Variants in AHCYL2 observed in about 807,000 individuals in gnomAD.
AHCYL2 encodes S-adenosylhomocysteine hydrolase-like protein 2.
In AHCYL2, 28 loss-of-function variants were observed where a neutral mutation model predicts 81.4. The observed-to-expected ratio is 0.34, with a 90% CI of 0.25 to 0.47. The LOEUF (loss-of-function observed/expected upper bound fraction) is 0.47, where lower values mean the gene tolerates loss of function less well. Ranked by LOEUF, AHCYL2 falls within the 20% of genes least tolerant of loss-of-function variation. AHCYL2 has a pLI of 1.00. For synonymous variants in AHCYL2, 272 were observed against 290.2 expected, an observed-to-expected ratio of 0.94 and a Z score of 0.64; for missense variants, 551 against 785.1, an observed-to-expected ratio of 0.70 and a Z score of 3.56.
chr7:129,409,647 T>A, intron 11 of AHCYL2, 101 bp downstream of exon 11: 1 of 978,632 alleles, frequency 1.0e-6, no homozygotes, highest in Non-Finnish European at 1.5e-6. Context: ...CTCTAAAAGC[T>A]AGAGAGAGAT....
chr7:129,282,860 G>C (rs1176545446), intron 1 of AHCYL2, among the ~76,000 whole-genome samples: 1 of 151,938 alleles, frequency 6.6e-6, no homozygotes, highest in Admixed American at 6.6e-5. Flanking sequence ...AGAGAGAAGA[G>C]GGGGAGAAAA....
chr7:129,370,561 G>A (rs886747381), intron 1 of AHCYL2, among the ~76,000 whole-genome samples: 4 of 152,182 alleles, frequency 2.6e-5, no homozygotes, highest in Non-Finnish European at 4.4e-5. Flanking sequence ...AGCCGGGCGT[G>A]GTGGCGGGCG....
intron 1 of AHCYL2, among the ~76,000 whole-genome samples, chr7:129,228,365 A>G (rs148153281): frequency 9.1e-4 from 139 of 152,364 alleles, no homozygotes; most frequent in African/African-American, 3.2e-3. Flanking sequence ...AGTAGTTAAT[A>G]AGAAGGAACA....
In AHCYL2 at chr7:129,426,458, GC is replaced by G; in HGVS notation, c.1726del (p.Leu576TyrfsTer10). ...LPKKMDEYVA[S>X]LHLPTFDAHL... The stretch of plus-strand genomic sequence containing the variant: ...TCTGTTCCAGATGAGTATGTGGCCA[GC>G]CTACACCTGCCTACCTTTGATGCCC... On this transcript the variant is annotated frameshift_variant, in exon 16 of 17. Transcript: ENST00000325006. LOFTEE classifies it high-confidence loss of function. The surrounding 1 kb of genome is among the most constrained non-coding windows in gnomAD (Gnocchi z 4.3). 6.2e-7 allele frequency: 1 copy of G among 1,614,106 alleles called. No individual in the cohort carries two copies. The highest frequency in any genetic ancestry group is 8.5e-7 in the Non-Finnish European group (1 of 1,179,984).
intron 1 of AHCYL2, chr7:129,375,931 G>A (rs1443700725): frequency 2.0e-6 from 3 of 1,536,108 alleles, no homozygotes; most frequent in East Asian, 2.4e-5. Context: ...GCCCAGGTGA[G>A]GCTAAGCTCT....
chr7:129,243,427 A>C (rs1355238754), intron 1 of AHCYL2, among the ~76,000 whole-genome samples: 1 of 152,164 alleles, frequency 6.6e-6, no homozygotes, highest in East Asian at 1.9e-4. Flanking sequence ...AAAGTTAAAA[A>C]TTTTAATATA....
intron 1 of AHCYL2, among the ~76,000 whole-genome samples, chr7:129,343,940 C>G (rs577833507): frequency 6.6e-6 from 1 of 152,104 alleles, no homozygotes; most frequent in South Asian, 2.1e-4. Flanking sequence ...GAATCTAAAA[C>G]TCAGTAATAA....
chr7:129,333,980 T>C (rs1350434971), intron 1 of AHCYL2, among the ~76,000 whole-genome samples: 1 of 152,214 alleles, frequency 6.6e-6, no homozygotes, highest in Non-Finnish European at 1.5e-5. Context: ...TAGGGTAGTA[T>C]AATATGAACC....
intron 1 of AHCYL2, among the ~76,000 whole-genome samples, chr7:129,257,002 A>T (rs1377773175): frequency 1.3e-5 from 2 of 152,134 alleles, no homozygotes; most frequent in African/African-American, 4.8e-5. Flanking sequence ...TCTTGACATG[A>T]TCCTTTTGAG....
intron 6 of AHCYL2, 101 bp from the exon 7 acceptor site, chr7:129,403,278 T>C (rs963600605): frequency 3.1e-5 from 21 of 676,170 alleles, no homozygotes; most frequent in Non-Finnish European, 4.3e-5. Flanking sequence ...ATTTTAAATA[T>C]CTGTAAATTG....
At chr7:129,410,340 G>C in intron 11 of AHCYL2, 1 of 1,614,162 alleles carries the variant, frequency 6.2e-7, no homozygotes, top group Non-Finnish European at 8.5e-7. Flanking sequence ...TCAAGCTTTA[G>C]CTCTAGGCGT....
At chr7:129,370,557 G>A (rs1324899083) in intron 1 of AHCYL2, among the ~76,000 whole-genome samples, 1 of 152,180 alleles carries the variant, frequency 6.6e-6, no homozygotes, top group Admixed American at 6.5e-5. Flanking sequence ...AATTAGCCGG[G>A]CGTGGTGGCG....
intron 1 of AHCYL2, among the ~76,000 whole-genome samples, chr7:129,341,818 T>C (rs1180330535): frequency 1.3e-5 from 2 of 152,164 alleles, no homozygotes; most frequent in African/African-American, 4.8e-5. Context: ...TGTGGCAAGA[T>C]AGTAGAAATA....
rs76368354 is a variant in AHCYL2 at position 129,242,717 on chromosome 7, GA to G, written c.363+17295del. 8.7e-3 allele frequency among the ~76,000 whole-genome samples: 951 copies of G among 108,902 alleles called. 6 individuals are homozygous for G. Among genetic ancestry groups the G allele is most frequent in the Middle Eastern group, 0.015 (3 of 196 alleles). 71.4% of individuals were successfully genotyped at this position (108,902 alleles called of 152,430 possible). On this transcript the variant is annotated intron_variant, in intron 1 of 16. Transcript: ENST00000325006. ...GGTGACAGTGTGAGACTCTGTCTCA[GA>G]AAAAAAAAAAAAAAAATTGCCTGTG...
chr7:129,352,503 T>A (rs1389392406), intron 1 of AHCYL2, among the ~76,000 whole-genome samples: 2 of 152,154 alleles, frequency 1.3e-5, no homozygotes, highest in African/African-American at 4.8e-5. Flanking sequence ...ATTTTTTATT[T>A]CTCCCACAAA....
chr7:129,309,603 A>C (rs906541643), intron 1 of AHCYL2, among the ~76,000 whole-genome samples: 1 of 152,208 alleles, frequency 6.6e-6, no homozygotes, highest in African/African-American at 2.4e-5. Flanking sequence ...TTAGTTTGTC[A>C]CATATAAATA....
At chr7:129,276,100 A>G (rs971452887) in intron 1 of AHCYL2, among the ~76,000 whole-genome samples, 1 of 152,162 alleles carries the variant, frequency 6.6e-6, no homozygotes, top group Non-Finnish European at 1.5e-5. Context: ...ATATATTTGG[A>G]AATTTAAAAG....
chr7:129,395,812 G>A (rs1345866776), intron 4 of AHCYL2, among the ~76,000 whole-genome samples: 1 of 152,196 alleles, frequency 6.6e-6, no homozygotes, highest in Non-Finnish European at 1.5e-5. Context: ...AAATCTACTT[G>A]TGTCTGGAGC....
chr7:129,358,678 G>T (rs1351458828), intron 1 of AHCYL2, among the ~76,000 whole-genome samples: 1 of 152,184 alleles, frequency 6.6e-6, no homozygotes, highest in African/African-American at 2.4e-5. Flanking sequence ...GGTGGTGATG[G>T]TTGCACAATG....
Sources: allele counts gnomAD v4.1 joint callset (sites outside exome capture counted in the v4.1 genomes callset), GRCh38; gene constraint gnomAD v4.1.1; non-coding constraint Gnocchi (gnomAD v3.1); transcripts MANE v1.5; gene names NCBI Gene and HGNC (gene_info 2026-07-23, HGNC 2026-07-21).